The following COL27A1 variants were observed in gnomAD, a reference collection of about 807,000 sequenced individuals.
The protein encoded by COL27A1 is collagen alpha-1(XXVII) chain.
Under a neutral mutation model 251.3 loss-of-function variants are expected in COL27A1, and 106 were observed. That is an observed-to-expected ratio of 0.42 (90% confidence interval 0.36 to 0.50). The LOEUF is 0.50. COL27A1 is among the 20% of genes least tolerant of loss of function. COL27A1 has a pLI of 0.00. For missense variants in COL27A1, 2,325 were observed against 2,522.8 expected (o/e 0.92, Z 1.68); for synonymous variants, 1,000 against 986.3 (o/e 1.01, Z -0.26).
chr9:114,203,234 G>A (rs1829696963), intron 7 of COL27A1, among the ~76,000 whole-genome samples: 2 of 152,146 alleles, frequency 1.3e-5, no homozygotes, highest in African/African-American at 4.8e-5. Flanking sequence ...AATGGTGCTG[G>A]AGCATGAAAA....
chr9:114,242,537 G>C lies in COL27A1; in HGVS notation c.2880+306G>C, dbSNP rs147298109. ...CAAACGAGAGTGAAGGCTTTAGCTCGACATCTCACAGCCAGGCAGTGGGGA... is the reference window on the plus strand; with the variant it reads ...CAAACGAGAGTGAAGGCTTTAGCTCCACATCTCACAGCCAGGCAGTGGGGA... On this transcript the variant is annotated intron_variant, in intron 22 of 60. Transcript: ENST00000356083. 2.6e-3 allele frequency among the ~76,000 whole-genome samples: 390 copies of C among 152,378 alleles called. 1 individual carries two copies. Among genetic ancestry groups the C allele is most frequent in the Middle Eastern group, 6.8e-3 (2 of 294 alleles).
chr9:114,303,095 G>A (rs765334457), intron 56 of COL27A1, among the ~76,000 whole-genome samples: 1 of 152,164 alleles, frequency 6.6e-6, no homozygotes, highest in South Asian at 2.1e-4. Flanking sequence ...AGTAAGAAAG[G>A]CAGGGAAAGG....
intron 56 of COL27A1, among the ~76,000 whole-genome samples, chr9:114,303,768 C>T (rs1168490122): frequency 1.3e-5 from 2 of 152,182 alleles, no homozygotes; most frequent in Non-Finnish European, 2.9e-5. Flanking sequence ...ATGGCAAGAC[C>T]ACGGCTATGT....
chr9:114,228,507 C>T (rs1831678890), intron 14 of COL27A1, among the ~76,000 whole-genome samples: 1 of 152,232 alleles, frequency 6.6e-6, no homozygotes, highest in African/African-American at 2.4e-5. Flanking sequence ...GCTTCTCTCC[C>T]TCCTCTCCAG....
rs897447452 is a variant in COL27A1, at chr9:114,288,802, G to A, written c.4098+47G>A. ...TGCTGGCAGGATCGGGCATGTCAGGGAGAGGGGGGATGACACATGTCTAGA... is the reference window on the plus strand; with the variant it reads ...TGCTGGCAGGATCGGGCATGTCAGGAAGAGGGGGGATGACACATGTCTAGA... On this transcript the variant is annotated intron_variant, in intron 43 of 60. Transcript: ENST00000356083. The A allele has an allele frequency of 1.9e-6, 3 of 1,603,012 alleles. No individual in the cohort carries two copies. In the African/African-American group the frequency reaches 4.0e-5, roughly 21 times the overall value.
rs1343558943 is a variant in COL27A1, at chr9:114,312,191, CTT to C, written c.*1498_*1499del. On this transcript the variant is annotated 3_prime_UTR_variant, in exon 61 of 61. Coordinates refer to ENST00000356083, the MANE Select transcript of COL27A1 (RefSeq NM_032888.4). ...GTATTTCTCTCCTAAAGTTGTGTCT[CTT>C]TGGGAATTGGATTTGATTTTTATTA... 6.6e-6 allele frequency: 1 copy of C among 152,174 alleles called. No homozygotes were observed. Among genetic ancestry groups the C allele is most frequent in the Non-Finnish European group, 1.5e-5 (1 of 68,040 alleles). 9.4% of individuals were successfully genotyped at this position (152,174 alleles called of 1,614,324 possible). A position where few individuals can be genotyped will look rare whatever the true frequency, so the allele number is the denominator to read the frequency against.
At chr9:114,226,442 C>A (rs10124024) in intron 14 of COL27A1, among the ~76,000 whole-genome samples, 113,704 of 152,158 alleles carry the variant, frequency 0.75, 43,136 homozygotes, top group South Asian at 0.89. Context: ...GGTGAAGCAC[C>A]TGCCCAAGGT....
intron 29 of COL27A1, 128 bp from the exon 30 acceptor site, chr9:114,264,796 C>T (rs1246123853): frequency 5.0e-6 from 5 of 995,992 alleles, no homozygotes; most frequent in Middle Eastern, 6.7e-4. Flanking sequence ...CCCATCTGCA[C>T]CATGGAAAGG....
intron 45 of COL27A1, 97 bp downstream of exon 45, chr9:114,289,392 T>C: frequency 7.9e-7 from 1 of 1,260,278 alleles, no homozygotes; most frequent in South Asian, 1.5e-5. Context: ...CTGCAGAGGC[T>C]GCGAGGCAGG....
intron 32 of COL27A1, among the ~76,000 whole-genome samples, chr9:114,265,863 T>C (rs978360336): frequency 1.3e-5 from 2 of 152,022 alleles, no homozygotes; most frequent in African/African-American, 4.8e-5. Flanking sequence ...AAGCGGGACC[T>C]CAGAAAGGGC....
intron 32 of COL27A1, among the ~76,000 whole-genome samples, chr9:114,266,215 G>A (rs557649115): frequency 1.3e-5 from 2 of 152,136 alleles, no homozygotes; most frequent in Non-Finnish European, 2.9e-5. Flanking sequence ...TGAACAGTGG[G>A]TTGGCTGGGG....
intron 37 of COL27A1, among the ~76,000 whole-genome samples, chr9:114,277,485 C>T (rs1031682074): frequency 6.6e-6 from 1 of 152,188 alleles, no homozygotes; most frequent in Non-Finnish European, 1.5e-5. Flanking sequence ...GAAGTGTTTA[C>T]ATGACTAACC....
chr9:114,210,863 G>A (rs1022652101), intron 11 of COL27A1, 119 bp from the exon 12 acceptor site: 3 of 968,334 alleles, frequency 3.1e-6, no homozygotes, highest in Non-Finnish European at 3.3e-6. Context: ...CACGCAAGTG[G>A]CACACATTCC....
At chr9:114,253,765 A>C (rs1001109324) in intron 27 of COL27A1, among the ~76,000 whole-genome samples, 1 of 152,234 alleles carries the variant, frequency 6.6e-6, no homozygotes, top group African/African-American at 2.4e-5. Flanking sequence ...CGTGGGGCTA[A>C]TGTTCATTAC....
At chr9:114,310,191 A>G (rs1829350024) in intron 60 of COL27A1, among the ~76,000 whole-genome samples, 1 of 152,190 alleles carries the variant, frequency 6.6e-6, no homozygotes. Flanking sequence ...GAACTTATTC[A>G]TGTACCCAAA....
chr9:114,214,787 C>T (rs1230499036), intron 12 of COL27A1, among the ~76,000 whole-genome samples: 5 of 152,218 alleles, frequency 3.3e-5, no homozygotes, highest in Admixed American at 1.3e-4. Context: ...GCTAAGAGAA[C>T]GTGTTGTGGT....
At position 114,289,290 on chromosome 9, in the gene COL27A1, G is replaced by A. The variant is rs766570291; in HGVS notation, c.4201G>A (p.Ala1401Thr). 41 of 1,588,676 alleles carry A rather than the reference G, an allele frequency of 2.6e-5. No homozygotes were observed. The South Asian group carries it at 3.7e-4, about 14-fold the overall frequency. Residue 1401 changes from alanine (A) to threonine (T), a missense_variant, in exon 45 of 61, where the codon GCA (alanine) becomes ACA (threonine). Transcript: ENST00000356083. The part of the protein sequence containing the change: ...GWPGPKGSKG[A>T]EGPKGKQGKA... The stretch of plus-strand genomic sequence containing the variant: ...GCCGGGACCCAAAGGATCGAAAGGC[G>A]CAGAGGTAAGAGGGCCGGGGGTTCA...
At position 114,168,889 on chromosome 9, in the gene COL27A1, C is replaced by A; in HGVS notation, c.1334C>A (p.Pro445His). The change falls in exon 3 of 61, where the codon CCT becomes CAT. Residue 445 changes from proline to histidine, a missense_variant. Around this residue, in one of 4 missense-constraint regions of COL27A1, gnomAD observed 1,183 missense variants for 1,144.1 expected, o/e 1.03. Coordinates refer to ENST00000356083, the MANE Select transcript of COL27A1 (RefSeq NM_032888.4). ...PPPPSTRPLP[P>H]TTSSSKKPIP... ...CCGCCCAGCACCCGGCCCCTACCTC[C>A]TACCACCAGCTCCTCTAAAAAACCC... 6.2e-7 allele frequency: 1 copy of A among 1,614,052 alleles called. No individual in the cohort carries two copies. The highest frequency in any genetic ancestry group is 1.3e-5 in the African/African-American group (1 of 75,012).
intron 4 of COL27A1, among the ~76,000 whole-genome samples, chr9:114,181,666 A>G (rs987392197): frequency 6.6e-6 from 1 of 152,134 alleles, no homozygotes; most frequent in Non-Finnish European, 1.5e-5. Context: ...GGCTCTATTT[A>G]TATTACTGTG....
Sources: gnomAD v4.1 joint callset for allele counts (sites outside exome capture counted in the v4.1 genomes callset) on GRCh38, gnomAD v4.1.1 for gene constraint, gnomAD v4.1.1 regional missense constraint, MANE v1.5 for transcripts, NCBI Gene and HGNC (gene_info 2026-07-23, HGNC 2026-07-21) for gene names.